BTBD8: variants seen among roughly 807,000 people sequenced by gnomAD.
The protein encoded by BTBD8 is BTB/POZ domain-containing protein 8.
In BTBD8, 110 loss-of-function variants were observed where a neutral mutation model predicts 162.9. That is an observed-to-expected ratio of 0.68 (90% CI 0.58 to 0.79). The LOEUF (loss-of-function observed/expected upper bound fraction) is 0.79. BTBD8 is among the 30% of genes least tolerant of loss of function. The pLI is 0.00. For synonymous variants in BTBD8, 667 were observed against 716.1 expected (o/e 0.93, Z 1.10); for missense variants, 1,905 against 2,085.4 (o/e 0.91, Z 1.68).
intron 9 of BTBD8, among the ~76,000 whole-genome samples, chr1:92,162,787 A>G (rs921888496): frequency 1.3e-5 from 2 of 152,196 alleles, no homozygotes; most frequent in East Asian, 3.9e-4. Flanking sequence ...TTTTAGGCAG[A>G]ACCCAGGTTA....
chr1:92,122,962 C>T (rs1649256042), intron 4 of BTBD8, among the ~76,000 whole-genome samples: 1 of 152,028 alleles, frequency 6.6e-6, no homozygotes, highest in African/African-American at 2.4e-5. Flanking sequence ...TTGTTCTTGC[C>T]CATATTTTAA....
intron 9 of BTBD8, among the ~76,000 whole-genome samples, chr1:92,163,224 A>G (rs537883156): frequency 2.0e-4 from 31 of 151,820 alleles, no homozygotes; most frequent in South Asian, 1.5e-3. Flanking sequence ...GTGTGGTGGC[A>G]GGCACCTGTA....
At chr1:92,145,252 A>T (rs1649884319) in intron 7 of BTBD8, among the ~76,000 whole-genome samples, 2 of 152,186 alleles carry the variant, frequency 1.3e-5, no homozygotes, top group Non-Finnish European at 2.9e-5. Context: ...GGTATGAGCC[A>T]CTGCACCTGG....
At position 92,130,201 on chromosome 1, in the gene BTBD8, G is replaced by A. The variant is rs79548980; in HGVS notation, c.752+425G>A. 8.3e-3 allele frequency among the ~76,000 whole-genome samples: 1,266 copies of A among 152,078 alleles called. 22 individuals are homozygous for A. The highest frequency in any genetic ancestry group is 0.028 in the African/African-American group (1,174 of 41,480). On this transcript the variant is annotated intron_variant, in intron 5 of 17. Transcript: ENST00000636805. Reference sequence around the variant, plus strand: ...ATGGTATTTCTTCTTATAAGGAAACGAATCCTATCAGATCAAGGACCCATG... The same window carrying A: ...ATGGTATTTCTTCTTATAAGGAAACAAATCCTATCAGATCAAGGACCCATG...
At chr1:92,092,492 G>C (rs1287051186) in intron 2 of BTBD8, among the ~76,000 whole-genome samples, 1 of 152,100 alleles carries the variant, frequency 6.6e-6, no homozygotes, top group Non-Finnish European at 1.5e-5. Context: ...ATGGTGTCTG[G>C]AAGCCAGGAA....
intron 4 of BTBD8, among the ~76,000 whole-genome samples, chr1:92,111,078 G>T (rs186307929): frequency 8.0e-5 from 12 of 150,802 alleles, no homozygotes; most frequent in East Asian, 7.8e-4. Context: ...TGCAACCTCT[G>T]CCCCCCGGGT....
rs1557442300 is a variant in BTBD8, at chr1:92,107,835, A to G, written c.545-49A>G. ...GATAATAATAGAAAACAATTTTTGG[A>G]CGTTTGTAATATTAAACTATTTTTT... On this transcript the variant is annotated intron_variant, in intron 3 of 17. Coordinates refer to ENST00000636805, the MANE Select transcript of BTBD8 (RefSeq NM_001376131.1). 2.1e-6 allele frequency: 3 copies of G among 1,451,964 alleles called. No homozygotes were observed. In the Admixed American group the frequency reaches 6.6e-5, roughly 32 times the overall value. The allele number at this position is 1,451,964 out of a possible 1,614,324, so 89.9% of individuals were successfully genotyped here.
intron 2 of BTBD8, among the ~76,000 whole-genome samples, chr1:92,100,402 A>C (rs1358878379): frequency 3.3e-5 from 5 of 152,038 alleles, no homozygotes; most frequent in African/African-American, 1.2e-4. Context: ...ATTGGTGTTA[A>C]TTATTAAACA....
chr1:92,159,439 A>G (rs1650237049), intron 9 of BTBD8, among the ~76,000 whole-genome samples: 1 of 152,018 alleles, frequency 6.6e-6, no homozygotes, highest in South Asian at 2.1e-4. Context: ...AGCCTCCCAA[A>G]GTGCCTGGAT....
chr1:92,147,698 A>G lies in BTBD8; in HGVS notation c.1034A>G (p.His345Arg), dbSNP rs755155537. 1 of 1,608,848 alleles carries G rather than the reference A, an allele frequency of 6.2e-7. No homozygotes were observed. Among genetic ancestry groups the G allele is most frequent in the South Asian group, 1.1e-5 (1 of 89,240 alleles). The change falls in exon 9 of 18, where the codon CAT becomes CGT. Residue 345 changes from histidine to arginine, a missense_variant. By Grantham distance (29) the His-to-Arg change is conservative (BLOSUM62 0). This residue lies in a region of BTBD8 where 1,374 missense variants were observed against 1,442.7 expected (regional missense o/e 0.95). Transcript: ENST00000636805. The part of the protein sequence containing the change: ...FADCMKWIVK[H>R]FARFWSERSF... ...TATTTTAACAGGTGGATTGTAAAGC[A>G]TTTTGCAAGGTTTTGGTCTGAGAGA...
chr1:92,088,808 C>A lies in BTBD8; in HGVS notation c.260C>A (p.Thr87Asn). 6.2e-7 allele frequency: 1 copy of A among 1,613,242 alleles called. No individual in the cohort carries two copies. The highest frequency in any genetic ancestry group is 1.1e-5 in the South Asian group (1 of 91,030). Residue 87 changes from threonine to asparagine, a missense_variant, in exon 2 of 18, where the codon ACT becomes AAT. Transcript: ENST00000636805. ...AGAGTTCCTGACTTCTATTTTCATACTATTGGACAGACATCAAATAGTTTA... is the reference window on the plus strand; with the variant it reads ...AGAGTTCCTGACTTCTATTTTCATAATATTGGACAGACATCAAATAGTTTA... ...LARVPDFYFH[T>N]IGQTSNSLTN...
chr1:92,080,561 C>T lies in BTBD8; in HGVS notation c.-11C>T, dbSNP rs762802646. On this transcript the variant is annotated 5_prime_UTR_variant, in exon 1 of 18. Transcript: ENST00000636805. The stretch of plus-strand genomic sequence containing the variant: ...GTACTGGGCCTCCAGGGCGTCGTAC[C>T]TCTGTGAGACATGGCTCGCTGTGGG... 73 of 1,613,274 alleles carry T rather than the reference C, an allele frequency of 4.5e-5. No homozygotes were observed. Among genetic ancestry groups the T allele is most frequent in the Non-Finnish European group, 5.4e-5 (64 of 1,179,744 alleles).
Position 92,177,543 on chromosome 1 carries a change from G to A in BTBD8, c.2350G>A (p.Val784Ile). 1 of 1,523,436 alleles carries A rather than the reference G, an allele frequency of 6.6e-7. No homozygotes were observed. Among genetic ancestry groups the A allele is most frequent in the Non-Finnish European group, 8.8e-7 (1 of 1,131,922 alleles). The allele number at this position is 1,523,436 out of a possible 1,614,324, so 94.4% of individuals were successfully genotyped here. The change falls in exon 14 of 18, where the codon GTA (valine) becomes ATA (isoleucine). Residue 784 changes from valine (V) to isoleucine (I), a missense_variant. Physicochemically the swap from Val to Ile is conservative, Grantham distance 29. This residue lies in a region of BTBD8 where 1,374 missense variants were observed against 1,442.7 expected (regional missense o/e 0.95). Transcript: ENST00000636805. ...TGTAGATAGTGTCAAAAATTCCACTGTAGGTGGGTTTTAGCACTGTAATTT... is the reference window on the plus strand; with the variant it reads ...TGTAGATAGTGTCAAAAATTCCACTATAGGTGGGTTTTAGCACTGTAATTT... ...NSVDSVKNSTVAIKSRPVSRV... is the reference protein window; with the variant it reads ...NSVDSVKNSTIAIKSRPVSRV...
chr1:92,180,975 A>C lies in BTBD8; in HGVS notation c.3292A>C (p.Asn1098His), dbSNP rs7523552. 4.5e-6 allele frequency: 7 copies of C among 1,551,732 alleles called. No homozygotes were observed. The South Asian group carries it at 8.3e-5, about 18-fold the overall frequency. Reference sequence around the variant, plus strand: ...CCTAAAATACATGGTTTCAAATCCAAATGAAAACTCCTTGAACTCTAATCC... The same window carrying C: ...CCTAAAATACATGGTTTCAAATCCACATGAAAACTCCTTGAACTCTAATCC... ...TALKYMVSNP[N>H]ENSLNSNPVC... is the part of the protein sequence containing the mutation. Residue 1098 changes from asparagine to histidine, a missense_variant, in exon 17 of 18, where the codon AAT (asparagine) becomes CAT (histidine). Around this residue, in one of 3 missense-constraint regions of BTBD8, gnomAD observed 1,374 missense variants for 1,442.7 expected, o/e 0.95. Transcript: ENST00000636805.
At position 92,184,355 on chromosome 1, in the gene BTBD8, T is replaced by C; in HGVS notation, c.*25T>C. The C allele has an allele frequency of 7.0e-7, 1 of 1,427,800 alleles. No individual in the cohort carries two copies. Among genetic ancestry groups the C allele is most frequent in the Non-Finnish European group, 9.5e-7 (1 of 1,057,734 alleles). 88.4% of individuals were successfully genotyped at this position (1,427,800 alleles called of 1,614,324 possible). A position where few individuals can be genotyped will look rare whatever the true frequency, so the allele number is the denominator to read the frequency against. ...AGTGTTAACATTTTGGAAAAATTTA[T>C]GCCACTCCTTTATTTTTTGATGCCT... On this transcript the variant is annotated 3_prime_UTR_variant, in exon 18 of 18. Coordinates refer to ENST00000636805, the MANE Select transcript of BTBD8 (RefSeq NM_001376131.1).
intron 2 of BTBD8, among the ~76,000 whole-genome samples, chr1:92,094,860 C>CA (rs1385465991): frequency 6.6e-6 from 1 of 152,188 alleles, no homozygotes; most frequent in African/African-American, 2.4e-5. Context: ...GATAAAGTCT[C>CA]AGTCAGGTAA....
At chr1:92,127,996 T>C (rs1183575671) in intron 4 of BTBD8, among the ~76,000 whole-genome samples, 6 of 152,250 alleles carry the variant, frequency 3.9e-5, no homozygotes, top group Non-Finnish European at 8.8e-5. Context: ...CCTACTTTCC[T>C]ATCTGGCATT....
chr1:92,096,939 A>G (rs1366751606), intron 2 of BTBD8, among the ~76,000 whole-genome samples: 1 of 151,978 alleles, frequency 6.6e-6, no homozygotes, highest in Non-Finnish European at 1.5e-5. Flanking sequence ...CTTCATTCTC[A>G]CTTTTGATGA....
At chr1:92,103,918 G>A (rs527861466) in intron 3 of BTBD8, among the ~76,000 whole-genome samples, 2 of 152,318 alleles carry the variant, frequency 1.3e-5, no homozygotes, top group Non-Finnish European at 2.9e-5. Context: ...TCTCCCAATA[G>A]TTGGTTATCT....
Sources: gnomAD v4.1 joint callset for allele counts (sites outside exome capture counted in the v4.1 genomes callset) on GRCh38, gnomAD v4.1.1 for gene constraint, gnomAD v4.1.1 regional missense constraint, MANE v1.5 for transcripts, NCBI Gene and HGNC (gene_info 2026-07-23, HGNC 2026-07-21) for gene names.